Variants in SMKR1 observed in about 807,000 individuals in gnomAD.
SMKR1 encodes the protein small lysine rich protein 1.
In SMKR1, 4 loss-of-function variants were observed where a neutral mutation model predicts 4.0. The observed-to-expected ratio is 1.00, with a 90% CI of 0.49 to 2.30. The LOEUF is 2.30. Among genes scored for constraint, SMKR1 ranks in the 30% most tolerant of loss-of-function variants. SMKR1 has a pLI of 0.02. For missense variants in SMKR1, 56 were observed against 81.8 expected (o/e 0.68, Z 1.22); for synonymous variants, 38 against 32.5 (o/e 1.17, Z -0.58).
chr7:129,505,719 T>C (rs544213364), intron 1 of SMKR1, among the ~76,000 whole-genome samples: 1 of 152,178 alleles, frequency 6.6e-6, no homozygotes, highest in African/African-American at 2.4e-5. Flanking sequence ...TGACCTCAGA[T>C]GATCCACCGG....
rs1799538257 is a variant in SMKR1, at chr7:129,512,527, A to G, written c.*86A>G. On this transcript the variant is annotated 3_prime_UTR_variant, in exon 2 of 2. Transcript: ENST00000462322. ...AACACAACTGTTGCCAGCAACATAG[A>G]CTTTACTCCAGACGACTTGAGATGC... is the stretch of plus-strand genomic sequence containing the variant. 1 of 1,308,728 alleles carries G rather than the reference A, an allele frequency of 7.6e-7. No individual in the cohort carries two copies. The allele number at this position is 1,308,728 out of a possible 1,614,324, so 81.1% of individuals were successfully genotyped here.
intron 1 of SMKR1, among the ~76,000 whole-genome samples, chr7:129,505,265 C>T (rs1203232716): frequency 2.6e-5 from 4 of 152,060 alleles, no homozygotes; most frequent in African/African-American, 4.8e-5. Context: ...AAAAGTGGTG[C>T]GGGGAAGGAG....
intron 1 of SMKR1, among the ~76,000 whole-genome samples, chr7:129,509,394 C>T (rs991886377): frequency 2.0e-5 from 3 of 152,166 alleles, no homozygotes; most frequent in African/African-American, 7.2e-5. Context: ...CCTCATGGGG[C>T]TGTTTTACCA....
At chr7:129,509,480 C>T (rs141878085) in intron 1 of SMKR1, among the ~76,000 whole-genome samples, 7 of 152,224 alleles carry the variant, frequency 4.6e-5, no homozygotes, top group African/African-American at 1.7e-4. Flanking sequence ...AGATACGTCT[C>T]ATCTTCATTC....
At chr7:129,510,095 C>A (rs1476860931) in intron 1 of SMKR1, among the ~76,000 whole-genome samples, 2 of 152,046 alleles carry the variant, frequency 1.3e-5, no homozygotes, top group Non-Finnish European at 2.9e-5. Flanking sequence ...GCAGTTCTAG[C>A]AAATATAAAT....
intron 1 of SMKR1, among the ~76,000 whole-genome samples, chr7:129,510,792 CTAA>C (rs1799518253): frequency 6.6e-6 from 1 of 151,788 alleles, no homozygotes; most frequent in African/African-American, 2.4e-5. Context: ...AGACATGGTG[CTAA>C]GTGTCTTTTT....
rs544122843 is a variant in SMKR1 at position 129,509,646 on chromosome 7, T to C, written c.4-2601T>C. 1.3e-4 allele frequency among the ~76,000 whole-genome samples: 20 copies of C among 152,082 alleles called. No individual in the cohort carries two copies. The East Asian group carries it at 2.9e-3, about 22-fold the overall frequency. On this transcript the variant is annotated intron_variant, in intron 1 of 1. Coordinates refer to ENST00000462322, the MANE Select transcript of SMKR1 (RefSeq NM_001195243.2). Reference sequence around the variant, plus strand: ...ACCTCCGTCTTCCGGGTTCAAGAGATTTTCCTGCCTCAGCCTCCTAAGTAG... The same window carrying C: ...ACCTCCGTCTTCCGGGTTCAAGAGACTTTCCTGCCTCAGCCTCCTAAGTAG...
chr7:129,511,832 T>C (rs984478839), intron 1 of SMKR1, among the ~76,000 whole-genome samples: 11 of 152,190 alleles, frequency 7.2e-5, no homozygotes, highest in African/African-American at 2.7e-4. Context: ...TTATTTCCTT[T>C]TAGGAATTTT....
At chr7:129,502,918 G>A (rs938850575) in intron 1 of SMKR1, 91 bp downstream of exon 1, 75 of 1,515,956 alleles carry the variant, frequency 4.9e-5, no homozygotes, top group Admixed American at 8.0e-5. Context: ...CGAGGTCACC[G>A]CCTCTCCCTG....
intron 1 of SMKR1, among the ~76,000 whole-genome samples, chr7:129,505,547 C>T (rs1403759773): frequency 2.0e-5 from 3 of 151,608 alleles, no homozygotes; most frequent in Non-Finnish European, 4.4e-5. Flanking sequence ...GGCGCGATCT[C>T]GGTTCACTGC....
chr7:129,509,301 A>G (rs1477710124), intron 1 of SMKR1, among the ~76,000 whole-genome samples: 1 of 152,160 alleles, frequency 6.6e-6, no homozygotes, highest in African/African-American at 2.4e-5. Context: ...CAACAAGAGC[A>G]AGACTCCGTT....
At chr7:129,506,122 G>A (rs925595015) in intron 1 of SMKR1, among the ~76,000 whole-genome samples, 3 of 152,194 alleles carry the variant, frequency 2.0e-5, no homozygotes, top group Non-Finnish European at 4.4e-5. Flanking sequence ...GAGGTGGAAT[G>A]TATATACAAT....
At chr7:129,506,800 A>T (rs1309499375) in intron 1 of SMKR1, among the ~76,000 whole-genome samples, 4 of 147,356 alleles carry the variant, frequency 2.7e-5, no homozygotes, top group Admixed American at 2.0e-4. Context: ...GTTCCATTGT[A>T]TGGTTATACC....
In SMKR1 at chr7:129,502,744, G is replaced by C. The variant is rs1456506233; in HGVS notation, c.-81G>C. ...CGGGGGTGCTAGGGGAACGGGCGCT[G>C]GGGGCAGCGGCCCCGGTGGATGCTA... On this transcript the variant is annotated 5_prime_UTR_variant, in exon 1 of 2. Transcript: ENST00000462322. 6.5e-7 allele frequency: 1 copy of C among 1,530,084 alleles called. No individual in the cohort carries two copies. The highest frequency in any genetic ancestry group is 1.4e-5 in the African/African-American group (1 of 72,126). 94.8% of individuals were successfully genotyped at this position (1,530,084 alleles called of 1,614,324 possible).
At chr7:129,511,273 T>C (rs1299752479) in intron 1 of SMKR1, among the ~76,000 whole-genome samples, 1 of 152,200 alleles carries the variant, frequency 6.6e-6, no homozygotes, top group Non-Finnish European at 1.5e-5. Context: ...TAAATGAAAA[T>C]AAAATCATAA....
At chr7:129,510,483 C>T (rs1238406889) in intron 1 of SMKR1, among the ~76,000 whole-genome samples, 1 of 152,210 alleles carries the variant, frequency 6.6e-6, no homozygotes, top group Non-Finnish European at 1.5e-5. Flanking sequence ...CCTGTAATCC[C>T]AGCACTTTGG....
Position 129,512,437 on chromosome 7 carries a change from A to C in SMKR1, c.194A>C (p.Lys65Thr). The C allele has an allele frequency of 6.5e-7, 1 of 1,533,926 alleles. No individual in the cohort carries two copies. Among genetic ancestry groups the C allele is most frequent in the Middle Eastern group, 1.7e-4 (1 of 5,970 alleles). ...CCCAAAGGAAAGAAAGGGAGAAGCA[A>C]GTGACAGCATTTCACAACACATCTC... Reference protein sequence around the residue: ...GAPKGKKGRSK With the variant: ...GAPKGKKGRST Residue 65 changes from lysine to threonine, a missense_variant, in exon 2 of 2, where the codon AAG becomes ACG. Transcript: ENST00000462322.
In SMKR1 at chr7:129,503,043, GT is replaced by G. The variant is rs200748007; in HGVS notation, c.3+217del. Among the ~76,000 whole-genome samples the G allele has an allele frequency of 8.5e-3, 1,291 of 151,744 alleles. 14 individuals carry two copies. Among genetic ancestry groups the G allele is most frequent in the Admixed American group, 0.02 (308 of 15,292 alleles). On this transcript the variant is annotated intron_variant, in intron 1 of 1. Coordinates refer to ENST00000462322, the MANE Select transcript of SMKR1 (RefSeq NM_001195243.2). ...GGCCAGCCGTCTTTCCAGGTTTTAG[GT>G]CGTGGTCCTGTTGAGCAGCCCCCAC...
intron 1 of SMKR1, among the ~76,000 whole-genome samples, chr7:129,507,852 T>C (rs1799485928): frequency 1.3e-5 from 2 of 152,216 alleles, no homozygotes; most frequent in South Asian, 4.1e-4. Flanking sequence ...TTGAACATGT[T>C]TTATTGAGTG....
Sources: allele counts gnomAD v4.1 joint callset (sites outside exome capture counted in the v4.1 genomes callset), GRCh38; gene constraint gnomAD v4.1.1; transcripts MANE v1.5; gene names NCBI Gene and HGNC (gene_info 2026-07-23, HGNC 2026-07-21).